The following SAMD5 variants were observed in gnomAD, a reference collection of about 807,000 sequenced individuals.
The protein encoded by SAMD5 is sterile alpha motif domain-containing protein 5.
In SAMD5, 13 loss-of-function variants were observed where a neutral mutation model predicts 11.3. The observed-to-expected ratio is 1.15, with a 90% CI of 0.75 to 1.83. The LOEUF is 1.83. SAMD5 is among the 40% of genes most tolerant of loss of function. The pLI is 0.00. For synonymous variants in SAMD5, 129 were observed against 111.3 expected, an observed-to-expected ratio of 1.16 and a Z score of -1.00; for missense variants, 255 against 239.1, an observed-to-expected ratio of 1.07 and a Z score of -0.44.
At chr6:147,655,874 T>G (rs1421921005) in intron 1 of SAMD5, among the ~76,000 whole-genome samples, 1 of 152,116 alleles carries the variant, frequency 6.6e-6, no homozygotes, top group Admixed American at 6.5e-5. Flanking sequence ...GTAAAAGCAT[T>G]AGATAAAAGA....
At chr6:147,918,611 C>CA in the SAMD5 span, among the ~76,000 whole-genome samples, 1 of 151,254 alleles carries the variant, frequency 6.6e-6, no homozygotes, top group South Asian at 2.1e-4. Flanking sequence ...TGTTTCAGCC[C>CA]AAAATCTCCT....
chr6:147,656,249 T>C (rs1458908004), intron 1 of SAMD5, among the ~76,000 whole-genome samples: 1 of 152,158 alleles, frequency 6.6e-6, no homozygotes, highest in Non-Finnish European at 1.5e-5. Flanking sequence ...GCAGAAAACA[T>C]GACCGAATCC....
the SAMD5 span, among the ~76,000 whole-genome samples, chr6:147,831,477 G>T: frequency 4.6e-5 from 7 of 152,210 alleles, no homozygotes; most frequent in Admixed American, 2.0e-4. Flanking sequence ...AGACTTATTG[G>T]ATTCTCTGTT....
intron 1 of SAMD5, among the ~76,000 whole-genome samples, chr6:147,584,112 CTGAT>C (rs920614636): frequency 6.6e-6 from 1 of 152,012 alleles, no homozygotes; most frequent in East Asian, 1.9e-4. Flanking sequence ...ATTCCTATCT[CTGAT>C]TGGTGTGACT....
At position 147,676,829 on chromosome 6, in the gene SAMD5, G is replaced by A. The variant is rs567958151; in HGVS notation, c.163-60488G>A. ...GTCTAAGGAGGAAAGAGTGGCCTGG[G>A]GGTGGGGGTGGGGGTAGGGGAGCTA... On this transcript the variant is annotated intron_variant, in intron 1 of 1. Transcript: ENST00000566741. Among the ~76,000 whole-genome samples, 967 of 142,072 alleles carry A rather than the reference G, an allele frequency of 6.8e-3. 16 individuals carry two copies. The highest frequency in any genetic ancestry group is 0.024 in the African/African-American group (922 of 38,668). 93.2% of individuals were successfully genotyped at this position (142,072 alleles called of 152,430 possible).
the SAMD5 span, among the ~76,000 whole-genome samples, chr6:147,884,848 G>A: frequency 6.6e-6 from 1 of 152,108 alleles, no homozygotes; most frequent in Non-Finnish European, 1.5e-5. Context: ...TGACTTAGCT[G>A]TCTGGCGCAA....
chr6:147,582,436 A>C (rs1258020450), intron 1 of SAMD5, among the ~76,000 whole-genome samples: 1 of 152,136 alleles, frequency 6.6e-6, no homozygotes, highest in African/African-American at 2.4e-5. Context: ...CTTTGCCAAA[A>C]CTAATTTTAT....
At chr6:147,700,985 C>A (rs1376553963) in intron 1 of SAMD5, among the ~76,000 whole-genome samples, 1 of 152,178 alleles carries the variant, frequency 6.6e-6, no homozygotes, top group Non-Finnish European at 1.5e-5. Flanking sequence ...GTTATAATTG[C>A]TTCTAGCTGG....
At chr6:147,676,774 A>G (rs1464384741) in intron 1 of SAMD5, among the ~76,000 whole-genome samples, 2 of 140,288 alleles carry the variant, frequency 1.4e-5, no homozygotes, top group Non-Finnish European at 3.1e-5. Flanking sequence ...GCAGCTTTCC[A>G]GTAGAGAGAT....
the SAMD5 span, among the ~76,000 whole-genome samples, chr6:147,900,996 A>G: frequency 2.6e-5 from 4 of 152,322 alleles, no homozygotes; most frequent in South Asian, 8.3e-4. Flanking sequence ...AAGCATATTC[A>G]TATGCACATA....
intron 1 of SAMD5, among the ~76,000 whole-genome samples, chr6:147,634,273 G>A (rs1287368695): frequency 6.6e-6 from 1 of 152,176 alleles, no homozygotes; most frequent in Non-Finnish European, 1.5e-5. Flanking sequence ...TTACAGTCAT[G>A]GCAGAAGGTG....
rs189461255 is a variant in SAMD5 at position 147,556,224 on chromosome 6, C to G, written c.460-8170C>G. 3.5e-3 allele frequency among the ~76,000 whole-genome samples: 534 copies of G among 152,126 alleles called. 3 individuals are homozygous for G. The highest frequency in any genetic ancestry group is 0.012 in the African/African-American group (511 of 41,486). ...TCTCCCGCCTCAGCCTCCCGAGTAG[C>G]TGGGACTACAGGCGCCTGCCACCAC... On this transcript the variant is annotated intron_variant, in intron 1 of 1. Coordinates refer to ENST00000367474, the MANE Select transcript of SAMD5 (RefSeq NM_001030060.3).
intron 1 of SAMD5, among the ~76,000 whole-genome samples, chr6:147,719,009 A>G (rs981411659): frequency 5.9e-5 from 9 of 152,192 alleles, no homozygotes; most frequent in Admixed American, 5.2e-4. Context: ...TCTTTTAACA[A>G]TGTAAATTCT....
chr6:147,846,766 G>A, the SAMD5 span, among the ~76,000 whole-genome samples: 4 of 152,288 alleles, frequency 2.6e-5, no homozygotes, highest in Admixed American at 6.5e-5. Context: ...GTTGCAGCAC[G>A]CTGAGATCGT....
chr6:147,827,723 T>C, the SAMD5 span, among the ~76,000 whole-genome samples: 1 of 152,232 alleles, frequency 6.6e-6, no homozygotes, highest in Non-Finnish European at 1.5e-5. Flanking sequence ...AAGAAAATGC[T>C]TCCCGAATAT....
chr6:147,690,891 G>T (rs986510183), intron 1 of SAMD5, among the ~76,000 whole-genome samples: 9 of 149,842 alleles, frequency 6.0e-5, no homozygotes, highest in African/African-American at 2.0e-4. Flanking sequence ...CCCATACAGG[G>T]TTTAACCCAG....
rs570013961 is a variant in SAMD5 at position 147,568,913 on chromosome 6, A to G, written c.*4457A>G. The G allele has an allele frequency of 1.3e-5, 12 of 951,468 alleles. No individual in the cohort carries two copies. Among genetic ancestry groups the G allele is most frequent in the East Asian group, 1.2e-4 (1 of 8,676 alleles). The allele number at this position is 951,468 out of a possible 1,614,324, so 58.9% of individuals were successfully genotyped here. The stretch of plus-strand genomic sequence containing the variant: ...ATATTTCCATAAAAGGCTTAAAGGG[A>G]AAAAAAAATGGTAGGTAGTTCAGAA... On this transcript the variant is annotated 3_prime_UTR_variant, in exon 2 of 2. Transcript: ENST00000367474.
At chr6:147,786,812 T>C in the SAMD5 span, among the ~76,000 whole-genome samples, 5 of 152,134 alleles carry the variant, frequency 3.3e-5, no homozygotes, top group African/African-American at 9.7e-5. Flanking sequence ...GGTGAGGGAG[T>C]ATTTCCTTGA....
chr6:147,662,580 C>T (rs17258731), intron 1 of SAMD5, among the ~76,000 whole-genome samples: 7,584 of 152,278 alleles, frequency 0.05, 255 homozygotes, highest in Non-Finnish European at 0.077. Context: ...TGAAATCCCC[C>T]TGGAAATATC....
Sources: allele counts gnomAD v4.1 joint callset (sites outside exome capture counted in the v4.1 genomes callset), GRCh38; gene constraint gnomAD v4.1.1; transcripts MANE v1.5; gene names NCBI Gene and HGNC (gene_info 2026-07-23, HGNC 2026-07-21).